The following SPAG16 variants were observed in gnomAD, a reference collection of about 807,000 sequenced individuals.
SPAG16 encodes the protein sperm associated antigen 16.
In SPAG16, 86 loss-of-function variants were observed where a neutral mutation model predicts 80.4. The observed-to-expected ratio is 1.07, with a 90% CI of 0.90 to 1.28. SPAG16 has a LOEUF of 1.28. Among genes scored for constraint, SPAG16 ranks in the 50% most tolerant of loss-of-function variants. The pLI is 0.00. For synonymous variants in SPAG16, 294 were observed against 265.9 expected (o/e 1.11, Z -1.03); for missense variants, 870 against 765.3 (o/e 1.14, Z -1.61).
At chr2:214,398,472 G>T (rs1701524512) in intron 15 of SPAG16, among the ~76,000 whole-genome samples, 1 of 152,126 alleles carries the variant, frequency 6.6e-6, no homozygotes, top group Non-Finnish European at 1.5e-5. Flanking sequence ...TTAACTCCAA[G>T]TACTCATCAG....
chr2:213,447,981 T>C (rs1015896758), intron 9 of SPAG16, among the ~76,000 whole-genome samples: 2 of 152,254 alleles, frequency 1.3e-5, no homozygotes, highest in African/African-American at 4.8e-5. Flanking sequence ...GCTGTGATCA[T>C]GGGCCTAATT....
At chr2:214,383,070 T>C (rs551567973) in intron 15 of SPAG16, among the ~76,000 whole-genome samples, 190 of 152,170 alleles carry the variant, frequency 1.2e-3, no homozygotes, top group African/African-American at 4.4e-3. Context: ...CATACTATGC[T>C]TGTCCCTGAG....
intron 11 of SPAG16, among the ~76,000 whole-genome samples, chr2:213,913,547 TTGTG>T (rs1371774526): frequency 2.0e-5 from 3 of 150,306 alleles, no homozygotes; most frequent in African/African-American, 7.5e-5. Context: ...TACATATGTA[TTGTG>T]TGTATCTCTC....
intron 10 of SPAG16, among the ~76,000 whole-genome samples, chr2:213,675,653 C>A (rs2064026805): frequency 6.6e-6 from 1 of 152,104 alleles, no homozygotes; most frequent in African/African-American, 2.4e-5. Context: ...ATCCTTTCCC[C>A]AATACTTGTT....
intron 15 of SPAG16, among the ~76,000 whole-genome samples, chr2:214,384,329 A>G (rs1330678949): frequency 6.6e-6 from 1 of 152,190 alleles, no homozygotes; most frequent in Non-Finnish European, 1.5e-5. Flanking sequence ...GTTGGTACTT[A>G]TTAGCACCCA....
chr2:214,409,865 G>T (rs1432276148), intron 15 of SPAG16, among the ~76,000 whole-genome samples: 1 of 152,128 alleles, frequency 6.6e-6, no homozygotes, highest in African/African-American at 2.4e-5. Context: ...AAATATAAAA[G>T]AATAGTAGGA....
chr2:214,265,460 T>C (rs1246445943), intron 15 of SPAG16, among the ~76,000 whole-genome samples: 1 of 152,132 alleles, frequency 6.6e-6, no homozygotes, highest in Non-Finnish European at 1.5e-5. Context: ...TTATTTATTT[T>C]CTTATGATTG....
chr2:214,156,331 C>T (rs986336218), intron 15 of SPAG16, among the ~76,000 whole-genome samples: 5 of 152,056 alleles, frequency 3.3e-5, no homozygotes, highest in Non-Finnish European at 7.4e-5. Context: ...TAGTTGTCAC[C>T]ACAACTCAAA....
intron 12 of SPAG16, among the ~76,000 whole-genome samples, chr2:213,931,829 A>C (rs1029380410): frequency 1.3e-5 from 2 of 152,104 alleles, no homozygotes; most frequent in Admixed American, 6.5e-5. Context: ...GTTCACTTTC[A>C]TCATCAAGGA....
chr2:214,092,280 T>C (rs770514749), intron 13 of SPAG16, among the ~76,000 whole-genome samples: 1 of 152,066 alleles, frequency 6.6e-6, no homozygotes, highest in Non-Finnish European at 1.5e-5. Context: ...CAAATTGCTT[T>C]TCCAAAAGGC....
chr2:213,425,430 G>T (rs1295368257), intron 9 of SPAG16, among the ~76,000 whole-genome samples: 4 of 152,048 alleles, frequency 2.6e-5, no homozygotes, highest in South Asian at 4.2e-4. Flanking sequence ...TGGGTGGATT[G>T]CCTGAGGTCA....
At chr2:214,180,253 C>T (rs560735573) in intron 15 of SPAG16, among the ~76,000 whole-genome samples, 3 of 151,588 alleles carry the variant, frequency 2.0e-5, no homozygotes, top group Non-Finnish European at 3.0e-5. Flanking sequence ...GGGAAGAATG[C>T]GGCAAGCCTG....
At chr2:214,167,982 T>C (rs2056726158) in intron 15 of SPAG16, among the ~76,000 whole-genome samples, 1 of 146,612 alleles carries the variant, frequency 6.8e-6, no homozygotes, top group Non-Finnish European at 1.5e-5. Context: ...TTCTTTTCTT[T>C]TTTCTTTTTC....
intron 9 of SPAG16, among the ~76,000 whole-genome samples, chr2:213,452,054 C>T (rs952665261): frequency 4.0e-5 from 6 of 151,826 alleles, no homozygotes; most frequent in Non-Finnish European, 7.4e-5. Context: ...ACTGTTTTTA[C>T]TGGGGCCTAT....
chr2:213,579,599 ATC>A (rs1163605854), intron 10 of SPAG16, among the ~76,000 whole-genome samples: 2 of 152,150 alleles, frequency 1.3e-5, no homozygotes, highest in Non-Finnish European at 2.9e-5. Flanking sequence ...TCATACATAT[ATC>A]TAAATAAAGA....
chr2:214,378,050 G>T (rs780359742), intron 15 of SPAG16, among the ~76,000 whole-genome samples: 15 of 152,134 alleles, frequency 9.9e-5, no homozygotes, highest in Non-Finnish European at 2.2e-4. Context: ...AGAAGCAGGG[G>T]TAGGAGTGAC....
intron 12 of SPAG16, among the ~76,000 whole-genome samples, chr2:213,980,029 A>C (rs76118901): frequency 6.6e-6 from 1 of 151,650 alleles, no homozygotes; most frequent in Non-Finnish European, 1.5e-5. Context: ...TGCCTATAGC[A>C]TCATGAAAGA....
intron 5 of SPAG16, among the ~76,000 whole-genome samples, chr2:213,332,158 C>G (rs1199001293): frequency 2.0e-5 from 3 of 151,740 alleles, no homozygotes; most frequent in Non-Finnish European, 4.4e-5. Context: ...GATTAAAGCA[C>G]AAAAAAGGAA....
At chr2:213,750,634 C>T (rs1164344589) in intron 10 of SPAG16, among the ~76,000 whole-genome samples, 4 of 152,170 alleles carry the variant, frequency 2.6e-5, no homozygotes. Context: ...CACTTCCTCA[C>T]CTCTCTCTAT....
Sources: allele counts gnomAD v4.1 joint callset (sites outside exome capture counted in the v4.1 genomes callset), GRCh38; gene constraint gnomAD v4.1.1; transcripts MANE v1.5; gene names NCBI Gene and HGNC (gene_info 2026-07-23, HGNC 2026-07-21).